Variants in CPEB4 observed in about 807,000 individuals in gnomAD.
The protein encoded by CPEB4 is cytoplasmic polyadenylation element-binding protein 4.
A neutral mutation model predicts 72.5 loss-of-function variants in CPEB4; 12 were observed. That is an observed-to-expected ratio of 0.17 (90% confidence interval 0.11 to 0.27). The LOEUF (loss-of-function observed/expected upper bound fraction) is 0.27. CPEB4 is among the 10% of genes least tolerant of loss of function. The pLI is 1.00. For missense variants in CPEB4, 614 were observed against 908.5 expected (o/e 0.68, Z 4.17); for synonymous variants, 302 against 326.3 (o/e 0.93, Z 0.80).
chr5:173,906,950 A>AT (rs1756457984), intron 1 of CPEB4, among the ~76,000 whole-genome samples: 1 of 152,176 alleles, frequency 6.6e-6, no homozygotes, highest in Non-Finnish European at 1.5e-5. Context: ...AGTTTACTAA[A>AT]TTCCATTCAT....
intron 7 of CPEB4, 147 bp from the exon 8 acceptor site, chr5:173,951,675 ACT>A: frequency 1.7e-6 from 1 of 595,510 alleles, no homozygotes; most frequent in Non-Finnish European, 3.1e-6. Context: ...GTTGGGATAC[ACT>A]GTTTTTAAAT....
At chr5:173,918,997 AC>A in intron 2 of CPEB4, among the ~76,000 whole-genome samples, 1 of 152,138 alleles carries the variant, frequency 6.6e-6, no homozygotes, top group Middle Eastern at 3.4e-3. Flanking sequence ...ATAATAGTAA[AC>A]TTTTAATGTT....
intron 2 of CPEB4, 43 bp downstream of exon 2, chr5:173,910,647 T>G: frequency 1.7e-6 from 2 of 1,211,806 alleles, no homozygotes; most frequent in Non-Finnish European, 1.2e-6. Flanking sequence ...ACAATAGTTT[T>G]AAATGTGTAT....
At chr5:173,916,298 A>G (rs1756866021) in intron 2 of CPEB4, among the ~76,000 whole-genome samples, 1 of 152,228 alleles carries the variant, frequency 6.6e-6, no homozygotes, top group Admixed American at 6.5e-5. Flanking sequence ...AAGGCTCAAC[A>G]TATCCACCAC....
At chr5:173,901,462 C>T (rs142408948) in intron 1 of CPEB4, among the ~76,000 whole-genome samples, 172 of 152,328 alleles carry the variant, frequency 1.1e-3, no homozygotes, top group African/African-American at 4.0e-3. Flanking sequence ...CCTCCTGCTT[C>T]AGATAATTAC....
intron 3 of CPEB4, among the ~76,000 whole-genome samples, chr5:173,936,025 G>A (rs1411005545): frequency 6.6e-6 from 1 of 152,148 alleles, no homozygotes; most frequent in Admixed American, 6.5e-5. Flanking sequence ...TCACACTCTA[G>A]GGAATTTTTC....
chr5:173,923,745 C>T (rs935645311), intron 2 of CPEB4, among the ~76,000 whole-genome samples: 2 of 151,846 alleles, frequency 1.3e-5, no homozygotes, highest in Non-Finnish European at 2.9e-5. Flanking sequence ...TGGACAAAAA[C>T]TACACCTAGT....
At position 173,959,443 on chromosome 5, in the gene CPEB4, C is replaced by G. The variant is rs1758479737; in HGVS notation, c.*3306C>G. The G allele has an allele frequency of 6.5e-6, 1 of 152,724 alleles. No individual in the cohort carries two copies. Among genetic ancestry groups the G allele is most frequent in the Non-Finnish European group, 1.5e-5 (1 of 68,016 alleles). The allele number at this position is 152,724 out of a possible 1,614,324, so 9.5% of individuals were successfully genotyped here. On this transcript the variant is annotated 3_prime_UTR_variant, in exon 10 of 10. Coordinates refer to ENST00000265085, the MANE Select transcript of CPEB4 (RefSeq NM_030627.4). ...GCTGTTGGAAAGACTTGATAATTCACCCCTTTTGTTTTGAAGAGTTGAATC... is the reference window on the plus strand; with the variant it reads ...GCTGTTGGAAAGACTTGATAATTCAGCCCTTTTGTTTTGAAGAGTTGAATC...
At chr5:173,895,286 A>G (rs1755966070) in intron 1 of CPEB4, among the ~76,000 whole-genome samples, 1 of 152,176 alleles carries the variant, frequency 6.6e-6, no homozygotes. Flanking sequence ...ATTTCTTTGG[A>G]GGGGTGCCTG....
In CPEB4 at chr5:173,910,607, A is replaced by C; in HGVS notation, c.1207+3A>C. Reference sequence around the variant, plus strand: ...AGCTGAAAATGATACCATTAAAGGTAAGTTTAGAAATATACCCAATTGATT... The same window carrying C: ...AGCTGAAAATGATACCATTAAAGGTCAGTTTAGAAATATACCCAATTGATT... On this transcript the variant is annotated splice_donor_region_variant and intron_variant, in intron 2 of 9. Transcript: ENST00000265085. 12 of 1,564,076 alleles carry C rather than the reference A, an allele frequency of 7.7e-6. No individual in the cohort carries two copies. Among genetic ancestry groups the C allele is most frequent in the Non-Finnish European group, 1.1e-5 (12 of 1,134,846 alleles).
intron 2 of CPEB4, among the ~76,000 whole-genome samples, chr5:173,926,429 T>C (rs572016624): frequency 6.6e-6 from 1 of 152,324 alleles, no homozygotes; most frequent in Admixed American, 6.5e-5. Flanking sequence ...TTGGTAAATA[T>C]TGGTTCTTCC....
intron 2 of CPEB4, among the ~76,000 whole-genome samples, chr5:173,931,606 T>C (rs191317639): frequency 1.6e-4 from 24 of 152,318 alleles, no homozygotes; most frequent in African/African-American, 5.3e-4. Context: ...TGCATGATGA[T>C]TCTTATTTTA....
At chr5:173,925,012 A>C (rs1757194373) in intron 2 of CPEB4, among the ~76,000 whole-genome samples, 1 of 152,212 alleles carries the variant, frequency 6.6e-6, no homozygotes, top group African/African-American at 2.4e-5. Context: ...AAGGCTTCTC[A>C]TAAGATGTGA....
At chr5:173,952,571 C>T (rs1273215894) in intron 8 of CPEB4, among the ~76,000 whole-genome samples, 1 of 152,058 alleles carries the variant, frequency 6.6e-6, no homozygotes, top group African/African-American at 2.4e-5. Flanking sequence ...AAAATGCAGT[C>T]ATTATTTCAA....
intron 1 of CPEB4, among the ~76,000 whole-genome samples, chr5:173,905,029 C>G (rs1474535076): frequency 6.7e-6 from 1 of 148,170 alleles, no homozygotes; most frequent in Non-Finnish European, 1.5e-5. Flanking sequence ...AAAAATGTAA[C>G]TTAGAAGATT....
Position 173,890,463 on chromosome 5 carries a change from A to G in CPEB4, c.730A>G (p.Ser244Gly), listed in dbSNP as rs1477672451. 6.2e-7 allele frequency: 1 copy of G among 1,611,930 alleles called. No homozygotes were observed. The highest frequency in any genetic ancestry group is 2.2e-5 in the East Asian group (1 of 44,886). Reference sequence around the variant, plus strand: ...TCACCCTCATTTCCAGCATCATCACAGCCAGCATCAGCAGCAAAGGAGGTC... The same window carrying G: ...TCACCCTCATTTCCAGCATCATCACGGCCAGCATCAGCAGCAAAGGAGGTC... ...PHHPHFQHHH[S>G]QHQQQRRSPA... The change falls in exon 1 of 10, where the codon AGC becomes GGC. Residue 244 changes from serine (S) to glycine (G), a missense_variant. Physicochemically the swap from Ser to Gly is moderately conservative, Grantham distance 56. Coordinates refer to ENST00000265085, the MANE Select transcript of CPEB4 (RefSeq NM_030627.4).
chr5:173,932,410 G>A, intron 2 of CPEB4, 40 bp from the exon 3 acceptor site: 16 of 1,554,526 alleles, frequency 1.0e-5, no homozygotes, highest in Non-Finnish European at 1.3e-5. Context: ...AACCATCTAT[G>A]AAAAAAGTAA....
In CPEB4 at chr5:173,956,327, A is replaced by G; in HGVS notation, c.*190A>G. On this transcript the variant is annotated 3_prime_UTR_variant, in exon 10 of 10. Coordinates refer to ENST00000265085, the MANE Select transcript of CPEB4 (RefSeq NM_030627.4). ...TTCTTGTGTCACTGCAAACAATATG[A>G]ACTCCTTTTTCGTATTGCCATCGGG... The G allele has an allele frequency of 2.0e-6, 1 of 512,436 alleles. No homozygotes were observed. The highest frequency in any genetic ancestry group is 3.5e-6 in the Non-Finnish European group (1 of 289,312). The allele number at this position is 512,436 out of a possible 1,614,324, so 31.7% of individuals were successfully genotyped here. A position where few individuals can be genotyped will look rare whatever the true frequency, so the allele number is the denominator to read the frequency against.
Position 173,961,687 on chromosome 5 carries a change from T to G in CPEB4, c.*5550T>G, listed in dbSNP as rs1037927763. 1 of 151,860 alleles carries G rather than the reference T, an allele frequency of 6.6e-6. No homozygotes were observed. Among genetic ancestry groups the G allele is most frequent in the African/African-American group, 2.4e-5 (1 of 41,334 alleles). The allele number at this position is 151,860 out of a possible 1,614,324, so 9.4% of individuals were successfully genotyped here. A position where few individuals can be genotyped will look rare whatever the true frequency, so the allele number is the denominator to read the frequency against. On this transcript the variant is annotated 3_prime_UTR_variant, in exon 10 of 10. Transcript: ENST00000265085. ...GGTAATGGGTGTTTGTGTCCACAGC[T>G]AGATCAGAAAGTAAGTACTTTTTCT...
Sources: allele counts gnomAD v4.1 joint callset (sites outside exome capture counted in the v4.1 genomes callset), GRCh38; gene constraint gnomAD v4.1.1; transcripts MANE v1.5; gene names NCBI Gene and HGNC (gene_info 2026-07-23, HGNC 2026-07-21).